NUP160: variants seen among roughly 807,000 people sequenced by gnomAD.
The protein encoded by NUP160 is nuclear pore complex protein Nup160.
In NUP160, 94 loss-of-function variants were observed where a neutral mutation model predicts 196.9. The ratio of observed to expected loss-of-function variants is 0.48; its 90% CI spans 0.40 to 0.57. NUP160 has a LOEUF of 0.57. Ranked by LOEUF, NUP160 falls within the 20% of genes least tolerant of loss-of-function variation. NUP160 has a pLI of 0.00. For synonymous variants in NUP160, 605 were observed against 619.7 expected (o/e 0.98, Z 0.35); for missense variants, 1,638 against 1,748.3 (o/e 0.94, Z 1.13).
At chr11:47,830,922 G>A (rs1172902849) in intron 7 of NUP160, among the ~76,000 whole-genome samples, 1 of 152,008 alleles carries the variant, frequency 6.6e-6, no homozygotes, top group Non-Finnish European at 1.5e-5. Context: ...CCAGCACTTT[G>A]GGAAGCTGAG....
intron 13 of NUP160, among the ~76,000 whole-genome samples, chr11:47,814,140 TCAAA>T (rs111366014): frequency 6.0e-4 from 86 of 144,518 alleles, no homozygotes; most frequent in East Asian, 3.2e-3. Context: ...AGACCCTGCC[TCAAA>T]CAAACAAACA....
At chr11:47,800,942 G>A (rs1165868750) in intron 23 of NUP160, among the ~76,000 whole-genome samples, 2 of 152,192 alleles carry the variant, frequency 1.3e-5, no homozygotes, top group African/African-American at 4.8e-5. Flanking sequence ...CAGATAAGCA[G>A]AGACCTGAAT....
At chr11:47,830,416 G>A (rs1852049496) in intron 7 of NUP160, among the ~76,000 whole-genome samples, 1 of 152,160 alleles carries the variant, frequency 6.6e-6, no homozygotes, top group South Asian at 2.1e-4. Flanking sequence ...GCACATGAAT[G>A]TTCATTACAG....
chr11:47,809,504 T>C (rs892565624), intron 17 of NUP160, among the ~76,000 whole-genome samples: 4 of 152,060 alleles, frequency 2.6e-5, no homozygotes, highest in African/African-American at 7.2e-5. Flanking sequence ...ATCCCAGCAC[T>C]TTGTGAGGCT....
intron 31 of NUP160, 69 bp from the exon 32 acceptor site, chr11:47,786,623 A>G: frequency 1.1e-6 from 1 of 932,734 alleles, no homozygotes; most frequent in South Asian, 1.3e-5. Context: ...TGATACTAAA[A>G]CTAGAGAGAT....
chr11:47,826,560 TC>T (rs11326952), intron 7 of NUP160, among the ~76,000 whole-genome samples: 57,961 of 143,336 alleles, frequency 0.4, 13,148 homozygotes, highest in South Asian at 0.54. Flanking sequence ...GAGGTAAAAA[TC>T]CCCCCCCCCT....
intron 7 of NUP160, among the ~76,000 whole-genome samples, chr11:47,825,598 C>A (rs1851951499): frequency 6.6e-6 from 1 of 151,932 alleles, no homozygotes; most frequent in Admixed American, 6.6e-5. Context: ...GATTTACAGG[C>A]ACGCACTACC....
At chr11:47,812,167 C>A (rs1188924585) in exon 17 of NUP160, 2 of 1,613,996 alleles carry the variant, frequency 1.2e-6, no homozygotes, top group Admixed American at 1.7e-5. Context: ...CACAATATAC[C>A]CTGCTGTGTT....
rs1204154530 is a variant in NUP160 at position 47,801,805 on chromosome 11, A to C, written c.2895+6T>G. 4 of 1,613,582 alleles carry C rather than the reference A, an allele frequency of 2.5e-6. No homozygotes were observed. Among genetic ancestry groups the C allele is most frequent in the Non-Finnish European group, 3.4e-6 (4 of 1,179,728 alleles). On this transcript the variant is annotated splice_donor_region_variant and intron_variant, in intron 23 of 35. Coordinates refer to ENST00000378460, the Ensembl canonical transcript of NUP160. ...TGGTATAAGGCCAAACCAAGACATGATGTACCTTGTCATAATACTGCAGCC... is the reference window on the plus strand; with the variant it reads ...TGGTATAAGGCCAAACCAAGACATGCTGTACCTTGTCATAATACTGCAGCC...
intron 10 of NUP160, 49 bp downstream of exon 10, chr11:47,819,325 A>G (rs766313374): frequency 2.1e-5 from 29 of 1,378,862 alleles, no homozygotes; most frequent in Non-Finnish European, 1.4e-5. Flanking sequence ...AAAAAAAAAA[A>G]AGATCAAAGT....
At position 47,819,385 on chromosome 11, in the gene NUP160, G is replaced by C. The variant is rs199540952; in HGVS notation, c.1351C>G (p.Gln451Glu). Residue 451 changes from glutamine to glutamate, a missense_variant, in exon 10 of 36, where the codon CAA becomes GAA. Physicochemically the swap from Gln to Glu is conservative, Grantham distance 29 (BLOSUM62 2). Coordinates refer to ENST00000378460, the Ensembl canonical transcript of NUP160. The stretch of plus-strand genomic sequence containing the variant: ...GAGCATCTACTTACTCTGGGGTCTT[G>C]ATCATCTCTGATGACAATCTCTTCC... The C allele has an allele frequency of 3.5e-4, 554 of 1,605,756 alleles. 2 individuals carry two copies. The highest frequency in any genetic ancestry group is 4.5e-4 in the Non-Finnish European group (524 of 1,173,142).
At chr11:47,793,888 C>T (rs978305669) in intron 27 of NUP160, among the ~76,000 whole-genome samples, 10 of 151,754 alleles carry the variant, frequency 6.6e-5, no homozygotes, top group Non-Finnish European at 4.4e-5. Context: ...TTACAGGCGC[C>T]CACCACCACA....
intron 29 of NUP160, among the ~76,000 whole-genome samples, chr11:47,790,952 T>C (rs896252578): frequency 6.6e-6 from 1 of 152,210 alleles, no homozygotes; most frequent in African/African-American, 2.4e-5. Context: ...TTAGATCTTT[T>C]ACCTTCCTTT....
At chr11:47,804,651 T>G in intron 20 of NUP160, 33 bp from the exon 21 acceptor site, 1 of 1,429,638 alleles carries the variant, frequency 7.0e-7, no homozygotes. Context: ...TCTTAATTTT[T>G]GTTGGCAAAT....
intron 31 of NUP160, chr11:47,786,942 C>A (rs1205209234): frequency 5.0e-6 from 1 of 199,810 alleles, no homozygotes; most frequent in Non-Finnish European, 1.1e-5. Context: ...GCCCATGCCA[C>A]CATGCCTGGC....
exon 27 of NUP160, chr11:47,797,827 A>G (rs1295236815): frequency 2.5e-6 from 4 of 1,613,214 alleles, no homozygotes; most frequent in Non-Finnish European, 3.4e-6. Context: ...AGAAGTTCAT[A>G]GTAATTGTGA....
At chr11:47,794,697 CAGG>C (rs1254064563) in intron 27 of NUP160, among the ~76,000 whole-genome samples, 1 of 151,970 alleles carries the variant, frequency 6.6e-6, no homozygotes, top group African/African-American at 2.4e-5. Flanking sequence ...ATTTTGAGGT[CAGG>C]AGTTCAAGAC....
chr11:47,821,737 TG>T lies in NUP160; in HGVS notation c.1263del (p.Tyr421Ter). On this transcript the variant is annotated frameshift_variant, in exon 9 of 36. Transcript: ENST00000378460. LOFTEE classifies it high-confidence loss of function. ...AGTGACCCATACTGTTCAAAGTTGA[TG>T]TATTTCACTACTGTTTGGTTCTCAG... The T allele has an allele frequency of 6.2e-7, 1 of 1,612,942 alleles. No homozygotes were observed. Among genetic ancestry groups the T allele is most frequent in the Non-Finnish European group, 8.5e-7 (1 of 1,178,908 alleles).
chr11:47,814,780 A>G (rs1027771055), intron 13 of NUP160, among the ~76,000 whole-genome samples: 9 of 152,208 alleles, frequency 5.9e-5, no homozygotes, highest in Non-Finnish European at 1.2e-4. Flanking sequence ...GGAGCATGAT[A>G]TCTACAACTA....
Sources: gnomAD v4.1 joint callset for allele counts (sites outside exome capture counted in the v4.1 genomes callset) on GRCh38, gnomAD v4.1.1 for gene constraint, MANE v1.5 for transcripts, NCBI Gene and HGNC (gene_info 2026-07-23, HGNC 2026-07-21) for gene names.